The following CDYL variants were observed in gnomAD, a reference collection of about 807,000 sequenced individuals.
The protein encoded by CDYL is chromodomain Y like.
CDYL carries 8 observed loss-of-function variants against 47.3 expected under a neutral mutation model. That is an observed-to-expected ratio of 0.17 (90% CI 0.10 to 0.31). The LOEUF (loss-of-function observed/expected upper bound fraction) is 0.31, where lower values mean the gene tolerates loss of function less well. Among genes scored for constraint, CDYL ranks in the 10% least tolerant of loss-of-function variants. The pLI, the probability that CDYL is intolerant of heterozygous loss-of-function variation, is 1.00. For missense variants in CDYL, 471 were observed against 701.4 expected (o/e 0.67, Z 3.71); for synonymous variants, 266 against 265.0 (o/e 1.00, Z -0.04).
At chr6:4,869,518 A>G (rs143622350) in intron 1 of CDYL, among the ~76,000 whole-genome samples, 5 of 151,844 alleles carry the variant, frequency 3.3e-5, no homozygotes, top group African/African-American at 1.2e-4. Context: ...TTGTCAGTTT[A>G]TTTATCCTTT....
chr6:4,719,422 C>T (rs949673978), intron 2 of CDYL, among the ~76,000 whole-genome samples: 1 of 152,128 alleles, frequency 6.6e-6, no homozygotes, highest in Non-Finnish European at 1.5e-5. Flanking sequence ...CACCTTCCCT[C>T]CCCTCTAAGT....
At chr6:4,926,848 G>A (rs928545753) in intron 2 of CDYL, among the ~76,000 whole-genome samples, 1 of 152,048 alleles carries the variant, frequency 6.6e-6, no homozygotes, top group African/African-American at 2.4e-5. Flanking sequence ...TGATTTTGGG[G>A]ATGGGCAGTG....
At chr6:4,822,184 G>A (rs763723440) in intron 1 of CDYL, among the ~76,000 whole-genome samples, 7 of 151,394 alleles carry the variant, frequency 4.6e-5, no homozygotes, top group Non-Finnish European at 8.8e-5. Context: ...TGGGGTTGGC[G>A]GGGGGCATCT....
upstream of CDYL, chr6:4,774,528 GACC>G (rs1446298562): frequency 6.6e-5 from 10 of 152,266 alleles, no homozygotes; most frequent in Non-Finnish European, 1.3e-4. Context: ...GAGGCGCCTT[GACC>G]AGTTGATGAA....
At chr6:4,883,506 G>A (rs983921329) in intron 1 of CDYL, among the ~76,000 whole-genome samples, 2 of 152,210 alleles carry the variant, frequency 1.3e-5, no homozygotes, top group East Asian at 3.9e-4. Flanking sequence ...AGCACCTCTG[G>A]CTGTCTGCCC....
intron 2 of CDYL, among the ~76,000 whole-genome samples, chr6:4,897,793 T>TTGTTTTTTTTG (rs1286777754): frequency 6.9e-6 from 1 of 145,086 alleles, no homozygotes; most frequent in Non-Finnish European, 1.5e-5. Context: ...GGTTTTTGTT[T>TTGTTTTTTTTG]TTTTTTTTTA....
At chr6:4,894,889 G>GTATATATACACACGTACGTGTGTA (rs1263612718) in intron 2 of CDYL, among the ~76,000 whole-genome samples, 3 of 148,172 alleles carry the variant, frequency 2.0e-5, no homozygotes, top group Admixed American at 6.6e-5. Context: ...GTATGTGTGT[G>GTATATATACACACGTACGTGTGTA]TATATATACA....
intron 5 of CDYL, among the ~76,000 whole-genome samples, chr6:4,950,276 G>A (rs1416409998): frequency 1.3e-5 from 2 of 152,198 alleles, no homozygotes; most frequent in African/African-American, 4.8e-5. Flanking sequence ...TGATTGAACC[G>A]CAGACACCAG....
intron 1 of CDYL, among the ~76,000 whole-genome samples, chr6:4,786,937 C>T (rs1210139515): frequency 1.3e-5 from 2 of 152,194 alleles, no homozygotes; most frequent in African/African-American, 2.4e-5. Flanking sequence ...TCCTCCTGTC[C>T]TGATTCTTGA....
chr6:4,813,890 C>T (rs1187263855), intron 1 of CDYL, among the ~76,000 whole-genome samples: 7 of 151,812 alleles, frequency 4.6e-5, no homozygotes, highest in Admixed American at 4.6e-4. Context: ...CCTTCCACCT[C>T]AGCCTCCCGG....
chr6:4,746,253 A>T (rs1047263384), intron 3 of CDYL, among the ~76,000 whole-genome samples: 3 of 151,504 alleles, frequency 2.0e-5, no homozygotes, highest in African/African-American at 7.3e-5. Flanking sequence ...AATCCCAGCT[A>T]CTCAGGTGGC....
At chr6:4,713,493 T>C (rs1757193148) in intron 1 of CDYL, among the ~76,000 whole-genome samples, 1 of 152,184 alleles carries the variant, frequency 6.6e-6, no homozygotes, top group South Asian at 2.1e-4. Flanking sequence ...CTCGACTCTA[T>C]CTGTATTATT....
intron 1 of CDYL, among the ~76,000 whole-genome samples, chr6:4,807,320 G>C (rs1403171115): frequency 6.6e-6 from 1 of 152,136 alleles, no homozygotes; most frequent in African/African-American, 2.4e-5. Flanking sequence ...ACTTGGTTAC[G>C]GGGATGTCTG....
At chr6:4,938,986 A>G (rs1019750816) in intron 4 of CDYL, among the ~76,000 whole-genome samples, 1 of 152,220 alleles carries the variant, frequency 6.6e-6, no homozygotes, top group Non-Finnish European at 1.5e-5. Flanking sequence ...TCAACATGAA[A>G]GTTGGCTATG....
At chr6:4,940,581 G>A (rs1758334328) in intron 4 of CDYL, among the ~76,000 whole-genome samples, 2 of 152,228 alleles carry the variant, frequency 1.3e-5, no homozygotes, top group African/African-American at 4.8e-5. Context: ...GTGGTTTGCA[G>A]TTTGCAGGGT....
chr6:4,780,788 C>T (rs1212432996), intron 1 of CDYL, among the ~76,000 whole-genome samples: 1 of 152,166 alleles, frequency 6.6e-6, no homozygotes, highest in East Asian at 1.9e-4. Context: ...TTCCCTTCCT[C>T]AAGATTTAGG....
chr6:4,923,217 T>C (rs1432562700), intron 2 of CDYL, among the ~76,000 whole-genome samples: 3 of 152,164 alleles, frequency 2.0e-5, no homozygotes, highest in African/African-American at 7.2e-5. Context: ...GACCTTTGAC[T>C]CTTCTCCCCC....
chr6:4,951,069 T>C (rs1561727414), intron 5 of CDYL, among the ~76,000 whole-genome samples: 2 of 152,152 alleles, frequency 1.3e-5, no homozygotes, highest in African/African-American at 2.4e-5. Flanking sequence ...CTCTCCAAGC[T>C]GCGGGTTTCA....
chr6:4,754,779 A>G (rs1451788600), intron 3 of CDYL, among the ~76,000 whole-genome samples: 2 of 152,208 alleles, frequency 1.3e-5, no homozygotes. Flanking sequence ...CCATTCTTGA[A>G]TGTCATAAAT....
Sources: gnomAD v4.1 joint callset for allele counts (sites outside exome capture counted in the v4.1 genomes callset) on GRCh38, gnomAD v4.1.1 for gene constraint, MANE v1.5 for transcripts, NCBI Gene and HGNC (gene_info 2026-07-23, HGNC 2026-07-21) for gene names.